Variants in GLYATL2 observed in about 807,000 individuals in gnomAD.
GLYATL2 encodes the protein glycine-N-acyltransferase like 2, also known as glycine N-acyltransferase-like protein 2.
In GLYATL2, 25 loss-of-function variants were observed where a neutral mutation model predicts 21.4. The observed-to-expected ratio is 1.17, with a 90% CI of 0.85 to 1.63. The LOEUF (loss-of-function observed/expected upper bound fraction) is 1.63. Ranked by LOEUF, GLYATL2 falls within the 40% of genes most tolerant of loss-of-function variation. The pLI, the probability that GLYATL2 is intolerant of heterozygous loss-of-function variation, is 0.00. For missense variants in GLYATL2, 361 were observed against 343.3 expected (o/e 1.05, Z -0.41); for synonymous variants, 114 against 118.2 (o/e 0.96, Z 0.23).
intron 1 of GLYATL2, among the ~76,000 whole-genome samples, chr11:58,871,067 T>G (rs998353021): frequency 1.3e-5 from 2 of 152,196 alleles, no homozygotes; most frequent in Non-Finnish European, 2.9e-5. Context: ...TCAACTAAGT[T>G]GAGAAAGACT....
At position 58,876,382 on chromosome 11, in the gene GLYATL2, C is replaced by T. The variant is rs192953835; in HGVS notation, n.60+27774G>A. Among the ~76,000 whole-genome samples, 1,424 of 152,238 alleles carry T rather than the reference C, an allele frequency of 9.4e-3. 10 individuals carry two copies. Among genetic ancestry groups the T allele is most frequent in the Non-Finnish European group, 0.016 (1,077 of 68,008 alleles). On this transcript the variant is annotated intron_variant and non_coding_transcript_variant, in intron 1 of 4. Coordinates refer to the GLYATL2 transcript ENST00000533636. ...AGAGTCACTCTGATTTTTAGAGTTTCCAGTTTTTCTGCTCTGTTTTTCCCC... is the reference window on the plus strand; with the variant it reads ...AGAGTCACTCTGATTTTTAGAGTTTTCAGTTTTTCTGCTCTGTTTTTCCCC...
chr11:58,838,285 G>C lies in GLYATL2; in HGVS notation c.162C>G (p.Ile54Met). Residue 54 changes from isoleucine (I) to methionine (M), a missense_variant, in exon 3 of 6, where the codon ATC becomes ATG. By Grantham distance (10) the Ile-to-Met change is conservative. Transcript: ENST00000287275. ...CCTGTTTCTGAGGCCGGGTAATGAC[G>C]ATCTGGTAATCTGGCCAGGCATCTA... ...VLVDAWPDYQIVITRPQKQEM... is the reference protein window; with the variant it reads ...VLVDAWPDYQMVITRPQKQEM... 16 of 1,612,590 alleles carry C rather than the reference G, an allele frequency of 9.9e-6. No homozygotes were observed. The highest frequency in any genetic ancestry group is 1.3e-5 in the Non-Finnish European group (15 of 1,178,834).
At chr11:58,850,010 A>G (rs1943297) in intron 1 of GLYATL2, among the ~76,000 whole-genome samples, 134,979 of 152,148 alleles carry the variant, frequency 0.89, 61,043 homozygotes, top group Non-Finnish European at 0.98. Context: ...TTCCAAACTC[A>G]TTCTATGAGG....
chr11:58,878,094 T>C (rs7481409), intron 1 of GLYATL2, among the ~76,000 whole-genome samples: 1 of 152,208 alleles, frequency 6.6e-6, no homozygotes, highest in African/African-American at 2.4e-5. Flanking sequence ...CCTGTTCCTT[T>C]ACATCACTTT....
intron 1 of GLYATL2, among the ~76,000 whole-genome samples, chr11:58,878,578 A>G (rs1295597162): frequency 3.3e-5 from 5 of 152,216 alleles, no homozygotes; most frequent in Non-Finnish European, 7.3e-5. Flanking sequence ...GTCAGAAAAG[A>G]ACTGGTAATA....
intron 1 of GLYATL2, among the ~76,000 whole-genome samples, chr11:58,896,801 A>G: frequency 6.6e-6 from 1 of 152,108 alleles, no homozygotes; most frequent in East Asian, 1.9e-4. Flanking sequence ...TCCTGCTATG[A>G]CATATTTACT....
chr11:58,884,641 C>G (rs941001862), intron 1 of GLYATL2, among the ~76,000 whole-genome samples: 1 of 152,164 alleles, frequency 6.6e-6, no homozygotes, highest in Non-Finnish European at 1.5e-5. Flanking sequence ...TCACAGAACT[C>G]TTAATATTCA....
At chr11:58,908,684 C>T (rs1854968976), upstream of GLYATL2, 1 of 152,256 alleles carries the variant, frequency 6.6e-6, no homozygotes, top group South Asian at 2.1e-4. Context: ...ATTTGGGGAG[C>T]TCATACACAT....
intron 1 of GLYATL2, among the ~76,000 whole-genome samples, chr11:58,877,223 C>T (rs1446862376): frequency 6.6e-6 from 1 of 152,206 alleles, no homozygotes; most frequent in Non-Finnish European, 1.5e-5. Flanking sequence ...ATTCCCTGAC[C>T]TCTTGTGCTT....
At chr11:58,886,155 T>C (rs1475424946) in intron 1 of GLYATL2, among the ~76,000 whole-genome samples, 2 of 152,106 alleles carry the variant, frequency 1.3e-5, no homozygotes, top group Middle Eastern at 3.2e-3. Context: ...AGGTCGAGGT[T>C]GCATTGAGCC....
At position 58,868,993 on chromosome 11, in the gene GLYATL2, G is replaced by GGCT. The variant is rs1450569442; in HGVS notation, n.61-30626_61-30625insAGC. On this transcript the variant is annotated intron_variant and non_coding_transcript_variant, in intron 1 of 4. Coordinates refer to the GLYATL2 transcript ENST00000533636. ...TGGGGAGTTGTTCGTCATTTTGTGT[G>GGCT]TGTCCAGGCAAGTGAGTGTCTTTTG... is the stretch of plus-strand genomic sequence containing the variant. 1.7e-4 allele frequency among the ~76,000 whole-genome samples: 26 copies of GGCT among 150,112 alleles called. 1 individual carries two copies. Among genetic ancestry groups the GGCT allele is most frequent in the East Asian group, 8.6e-4 (4 of 4,628 alleles).
At chr11:58,848,667 TA>T (rs1013378512), upstream of GLYATL2, among the ~76,000 whole-genome samples, 1 of 151,628 alleles carries the variant, frequency 6.6e-6, no homozygotes, top group Admixed American at 6.6e-5. Context: ...AGATACAAAA[TA>T]AAAAAATTAA....
At chr11:58,848,454 T>A (rs1379835006), upstream of GLYATL2, among the ~76,000 whole-genome samples, 2 of 152,042 alleles carry the variant, frequency 1.3e-5, no homozygotes, top group African/African-American at 4.8e-5. Flanking sequence ...AAACTTAAGA[T>A]AACACAGAGA....
chr11:58,861,088 G>T (rs1406918036), intron 1 of GLYATL2, among the ~76,000 whole-genome samples: 1 of 151,856 alleles, frequency 6.6e-6, no homozygotes, highest in Non-Finnish European at 1.5e-5. Flanking sequence ...TTGTTATCAG[G>T]GTTAACAACA....
chr11:58,856,034 G>A lies in GLYATL2; in HGVS notation n.61-17666C>T, dbSNP rs140353694. 2.0e-5 allele frequency among the ~76,000 whole-genome samples: 3 copies of A among 152,250 alleles called. No homozygotes were observed. In the East Asian group the frequency reaches 5.8e-4, roughly 29 times the overall value. ...TAATCCCAGTGACTCAGGAGGCTGA[G>A]GGAGGAGAATCGCTTGAGCCCAGGA... On this transcript the variant is annotated intron_variant and non_coding_transcript_variant, in intron 1 of 4. Coordinates refer to the GLYATL2 transcript ENST00000533636.
chr11:58,898,204 A>G (rs1448096469), intron 1 of GLYATL2, among the ~76,000 whole-genome samples: 1 of 152,156 alleles, frequency 6.6e-6, no homozygotes, highest in African/African-American at 2.4e-5. Flanking sequence ...GACATCTTCC[A>G]ATAGATTCAT....
intron 1 of GLYATL2, among the ~76,000 whole-genome samples, chr11:58,852,776 T>C (rs1202578536): frequency 6.6e-6 from 1 of 152,202 alleles, no homozygotes; most frequent in Non-Finnish European, 1.5e-5. Context: ...ACTACTTCCC[T>C]AAAGGCTCTG....
chr11:58,874,240 G>A (rs1020515310), intron 1 of GLYATL2, among the ~76,000 whole-genome samples: 1 of 152,044 alleles, frequency 6.6e-6, no homozygotes, highest in African/African-American at 2.4e-5. Context: ...CAAAAAACCA[G>A]CTCCTGGATT....
At chr11:58,839,718 AAGG>A in intron 1 of GLYATL2, 66 bp from the exon 2 acceptor site, 2 of 727,552 alleles carry the variant, frequency 2.7e-6, no homozygotes, top group Non-Finnish European at 4.6e-6. Flanking sequence ...AAAGAAGAGG[AAGG>A]AGAAGTCACC....
Sources: gnomAD v4.1 joint callset for allele counts (sites outside exome capture counted in the v4.1 genomes callset) on GRCh38, gnomAD v4.1.1 for gene constraint, MANE v1.5 for transcripts, NCBI Gene and HGNC (gene_info 2026-07-23, HGNC 2026-07-21) for gene names.